Variants in ZMYM4 observed in about 807,000 individuals in gnomAD.
ZMYM4 encodes zinc finger MYM-type protein 4.
A neutral mutation model predicts 183.2 loss-of-function variants in ZMYM4; 31 were observed. That is an observed-to-expected ratio of 0.17 (90% confidence interval 0.13 to 0.23). ZMYM4 has a LOEUF of 0.23. ZMYM4 is among the 10% of genes least tolerant of loss of function. ZMYM4 has a pLI of 1.00. For missense variants in ZMYM4, 1,273 were observed against 1,840.3 expected, an observed-to-expected ratio of 0.69 and a Z score of 5.64; for synonymous variants, 592 against 631.2, an observed-to-expected ratio of 0.94 and a Z score of 0.93.
intron 1 of ZMYM4, among the ~76,000 whole-genome samples, chr1:35,306,268 C>T (rs923858561): frequency 6.6e-5 from 10 of 152,168 alleles, no homozygotes; most frequent in Middle Eastern, 6.8e-3. Context: ...TTTATAGAAC[C>T]TGTAGAATAG....
Position 35,387,612 on chromosome 1 carries a change from CAG to C in ZMYM4, c.2263+10_2263+11del, listed in dbSNP as rs1558145090. 9 of 1,598,580 alleles carry C rather than the reference CAG, an allele frequency of 5.6e-6. No homozygotes were observed. In the East Asian group the frequency reaches 8.9e-5, roughly 16 times the overall value. On this transcript the variant is annotated intron_variant, in intron 13 of 29. Coordinates refer to ENST00000314607, the MANE Select transcript of ZMYM4 (RefSeq NM_005095.3). ...AGTCATTCTGTAGTGAAGGTAAAGA[CAG>C]AAGATTATCTTACCTACTGAGCATG...
At chr1:35,334,252 G>A (rs7539049) in intron 2 of ZMYM4, among the ~76,000 whole-genome samples, 9,024 of 152,124 alleles carry the variant, frequency 0.059, 668 homozygotes, top group African/African-American at 0.17. Context: ...CCGGGAGTTC[G>A]AGGCTATAGT....
intron 1 of ZMYM4, among the ~76,000 whole-genome samples, chr1:35,316,698 A>G (rs1249319526): frequency 6.6e-6 from 1 of 152,240 alleles, no homozygotes; most frequent in African/African-American, 2.4e-5. Context: ...AAAAAAGATG[A>G]AAGTTCAGAA....
At position 35,371,293 on chromosome 1, in the gene ZMYM4, G is replaced by T. The variant is rs544523474; in HGVS notation, c.1181+666G>T. On this transcript the variant is annotated intron_variant, in intron 7 of 29. Transcript: ENST00000314607. ...ACCATGCCCAGCTAATTTTTTCTATGTTTTAGTAGAGACGGGCTTTCTCTG... is the reference window on the plus strand; with the variant it reads ...ACCATGCCCAGCTAATTTTTTCTATTTTTTAGTAGAGACGGGCTTTCTCTG... 8.6e-5 allele frequency among the ~76,000 whole-genome samples: 13 copies of T among 151,946 alleles called. 2 individuals carry two copies. The highest frequency in any genetic ancestry group is 2.7e-4 in the African/African-American group (11 of 41,446).
intron 18 of ZMYM4, among the ~76,000 whole-genome samples, chr1:35,394,452 G>C (rs781641422): frequency 2.6e-5 from 4 of 152,044 alleles, no homozygotes; most frequent in Non-Finnish European, 2.9e-5. Context: ...AGCCTCTTCA[G>C]CTTTCAGTTG....
intron 1 of ZMYM4, among the ~76,000 whole-genome samples, chr1:35,304,185 C>A (rs972138573): frequency 6.6e-6 from 1 of 152,084 alleles, no homozygotes; most frequent in East Asian, 1.9e-4. Context: ...CCAGCACACT[C>A]GGCTAATTTT....
chr1:35,330,471 A>G (rs1375994036), intron 2 of ZMYM4, among the ~76,000 whole-genome samples: 1 of 152,180 alleles, frequency 6.6e-6, no homozygotes, highest in African/African-American at 2.4e-5. Flanking sequence ...CAAAAGGCAC[A>G]CTTCTGAACA....
At chr1:35,360,904 G>T (rs1370650306) in intron 3 of ZMYM4, among the ~76,000 whole-genome samples, 1 of 151,610 alleles carries the variant, frequency 6.6e-6, no homozygotes, top group African/African-American at 2.4e-5. Context: ...AAGTAGAAAT[G>T]GGGGAGAACA....
At chr1:35,315,398 T>TA (rs1172220695) in intron 1 of ZMYM4, among the ~76,000 whole-genome samples, 2 of 152,118 alleles carry the variant, frequency 1.3e-5, no homozygotes, top group African/African-American at 4.8e-5. Flanking sequence ...ATATAACCTT[T>TA]AAAAAAAGTT....
At chr1:35,290,071 G>A (rs1172167482) in intron 1 of ZMYM4, among the ~76,000 whole-genome samples, 2 of 152,020 alleles carry the variant, frequency 1.3e-5, no homozygotes, top group Non-Finnish European at 2.9e-5. Context: ...GGGCTCAAGT[G>A]ATTCTCCCAC....
At chr1:35,412,737 AAG>A (rs1360287555) in intron 26 of ZMYM4, among the ~76,000 whole-genome samples, 14 of 152,162 alleles carry the variant, frequency 9.2e-5, no homozygotes, top group African/African-American at 3.4e-4. Flanking sequence ...AAAGAAGAAA[AAG>A]AGGAATACTG....
chr1:35,315,154 A>G (rs921836034), intron 1 of ZMYM4, among the ~76,000 whole-genome samples: 4 of 147,310 alleles, frequency 2.7e-5, no homozygotes, highest in Admixed American at 1.4e-4. Flanking sequence ...CGACTATTTT[A>G]TGTTTATCAG....
intron 1 of ZMYM4, among the ~76,000 whole-genome samples, chr1:35,294,047 A>T (rs1640891031): frequency 6.6e-6 from 1 of 151,956 alleles, no homozygotes; most frequent in African/African-American, 2.4e-5. Context: ...AGGCAGGAGA[A>T]TCGCTTGAAC....
chr1:35,394,415 C>A lies in ZMYM4; in HGVS notation c.2911+676C>A, dbSNP rs55674011. 1.7e-3 allele frequency among the ~76,000 whole-genome samples: 254 copies of A among 151,986 alleles called. 1 individual carries two copies. The highest frequency in any genetic ancestry group is 6.8e-3 in the Middle Eastern group (2 of 294). ...AAACTGGGTGAAGGGAAGCCCCTGA[C>A]CTCTTGCCCGTACTCACCAGGAATT... On this transcript the variant is annotated intron_variant, in intron 18 of 29. Coordinates refer to ENST00000314607, the MANE Select transcript of ZMYM4 (RefSeq NM_005095.3).
chr1:35,414,079 T>C lies in ZMYM4; in HGVS notation c.4056T>C (p.Pro1352=). ...AAATATGGGAACCTACAATACTTCCTAATGGTAGGGTGATTTTTTTTTTAT... is the reference window on the plus strand; with the variant it reads ...AAATATGGGAACCTACAATACTTCCCAATGGTAGGGTGATTTTTTTTTTAT... ...LLKIWEPTIL[P]NGYMFSRIEE... Residue 1352 remains proline (P), a synonymous_variant, in exon 27 of 30, where the codon CCT becomes CCC. Coordinates refer to ENST00000314607, the MANE Select transcript of ZMYM4 (RefSeq NM_005095.3). 6.6e-7 allele frequency: 1 copy of C among 1,508,926 alleles called. No homozygotes were observed. Among genetic ancestry groups the C allele is most frequent in the Non-Finnish European group, 9.0e-7 (1 of 1,105,880 alleles). 93.5% of individuals were successfully genotyped at this position (1,508,926 alleles called of 1,614,324 possible). A position where few individuals can be genotyped will look rare whatever the true frequency, so the allele number is the denominator to read the frequency against.
chr1:35,276,445 C>G (rs911497259), intron 1 of ZMYM4, among the ~76,000 whole-genome samples: 1 of 152,120 alleles, frequency 6.6e-6, no homozygotes. Flanking sequence ...AATACTGTTA[C>G]GACCTAACAA....
At chr1:35,292,678 T>G (rs1570271410) in intron 1 of ZMYM4, among the ~76,000 whole-genome samples, 1 of 152,196 alleles carries the variant, frequency 6.6e-6, no homozygotes, top group East Asian at 1.9e-4. Context: ...TTTTGTATTT[T>G]TAGTAGAGAC....
At chr1:35,419,392 T>C (rs1428309532) in intron 29 of ZMYM4, 78 bp from the exon 30 acceptor site, 2 of 1,486,190 alleles carry the variant, frequency 1.3e-6, no homozygotes, top group Non-Finnish European at 1.8e-6. Flanking sequence ...CTCAGTTTAC[T>C]TAAGAATAGT....
At chr1:35,276,966 G>GA (rs920355006) in intron 1 of ZMYM4, among the ~76,000 whole-genome samples, 3 of 151,930 alleles carry the variant, frequency 2.0e-5, no homozygotes, top group African/African-American at 7.3e-5. Flanking sequence ...TTTATTTGTT[G>GA]AAAAAAATAG....
Sources: gnomAD v4.1 joint callset for allele counts (sites outside exome capture counted in the v4.1 genomes callset) on GRCh38, gnomAD v4.1.1 for gene constraint, MANE v1.5 for transcripts, NCBI Gene and HGNC (gene_info 2026-07-23, HGNC 2026-07-21) for gene names.